The following BIRC6 variants were observed in gnomAD, a reference collection of about 807,000 sequenced individuals.
BIRC6 encodes dual E2 ubiquitin-conjugating enzyme/E3 ubiquitin-protein ligase BIRC6.
Under a neutral mutation model 503.3 loss-of-function variants are expected in BIRC6, and 98 were observed. The ratio of observed to expected loss-of-function variants is 0.19; its 90% CI spans 0.17 to 0.23. The LOEUF (loss-of-function observed/expected upper bound fraction) is 0.23. BIRC6 is among the 10% of genes least tolerant of loss of function. The probability of loss-of-function intolerance (pLI) is 1.00; values close to 1 mark genes in which losing one functional copy is unlikely to be tolerated. For missense variants in BIRC6, 5,360 were observed against 5,806.0 expected (o/e 0.92, Z 2.50); for synonymous variants, 2,240 against 2,078.7 (o/e 1.08, Z -2.11).
At chr2:32,598,623 CTTTCTT>C (rs564200048) in intron 69 of BIRC6, among the ~76,000 whole-genome samples, 1 of 152,110 alleles carries the variant, frequency 6.6e-6, no homozygotes, top group Non-Finnish European at 1.5e-5. Context: ...AAAAAGAAAA[CTTTCTT>C]TATATTTATG....
chr2:32,437,461 T>TA (rs1391787863), intron 15 of BIRC6, among the ~76,000 whole-genome samples: 1 of 152,230 alleles, frequency 6.6e-6, no homozygotes, highest in Non-Finnish European at 1.5e-5. Flanking sequence ...TGACCAACTA[T>TA]ATATCAGCTA....
intron 5 of BIRC6, among the ~76,000 whole-genome samples, chr2:32,394,096 A>G (rs537827507): frequency 1.7e-4 from 26 of 151,648 alleles, no homozygotes; most frequent in African/African-American, 6.0e-4. Flanking sequence ...TTTTCTAGCA[A>G]CTTGTCTTTC....
Position 32,411,921 on chromosome 2 carries a change from C to G in BIRC6, c.1478-2848C>G, listed in dbSNP as rs563973905. ...AGATTATACTTGATTTGGGAGTTGA[C>G]TGACATCTATTGTAAGACTTTCTTT... On this transcript the variant is annotated intron_variant, in intron 9 of 73. Coordinates refer to ENST00000421745, the MANE Select transcript of BIRC6 (RefSeq NM_016252.4). Among the ~76,000 whole-genome samples, 66 of 152,252 alleles carry G rather than the reference C, an allele frequency of 4.3e-4. No individual in the cohort carries two copies. In the South Asian group the frequency reaches 0.013, roughly 30 times the overall value.
rs150328043 is a variant in BIRC6 at position 32,422,600 on chromosome 2, G to C, written c.2872+6437G>C. 1.0e-3 allele frequency among the ~76,000 whole-genome samples: 154 copies of C among 152,056 alleles called. 1 individual carries two copies. The highest frequency in any genetic ancestry group is 3.6e-3 in the African/African-American group (151 of 41,494). On this transcript the variant is annotated intron_variant, in intron 10 of 73. Coordinates refer to ENST00000421745, the MANE Select transcript of BIRC6 (RefSeq NM_016252.4). ...ATAATTGTTACTCAATAATTTTTATGTCTTTCCTTTTATAAAGAAAACTGG... is the reference window on the plus strand; with the variant it reads ...ATAATTGTTACTCAATAATTTTTATCTCTTTCCTTTTATAAAGAAAACTGG...
Position 32,485,676 on chromosome 2 carries a change from A to T in BIRC6, c.7730A>T (p.Gln2577Leu). 6.2e-7 allele frequency: 1 copy of T among 1,613,694 alleles called. No homozygotes were observed. Among genetic ancestry groups the T allele is most frequent in the Non-Finnish European group, 8.5e-7 (1 of 1,179,670 alleles). ...LDARLEVGLEQQAELMLKMMS... is the reference protein window; with the variant it reads ...LDARLEVGLELQAELMLKMMS... ...GCTCGCCTAGAAGTTGGACTTGAAC[A>T]GCAAGCAGAACTGATGTTGAAAATG... is the stretch of plus-strand genomic sequence containing the variant. Residue 2577 changes from glutamine (Q) to leucine (L), a missense_variant, in exon 40 of 74, where the codon CAG becomes CTG. Gln to Leu is a moderately radical substitution (Grantham distance 113). This residue lies in a region of BIRC6 where 2,299 missense variants were observed against 2,267.2 expected (regional missense o/e 1.01). Transcript: ENST00000421745.
At chr2:32,422,728 G>C (rs1382881560) in intron 10 of BIRC6, among the ~76,000 whole-genome samples, 1 of 152,072 alleles carries the variant, frequency 6.6e-6, no homozygotes, top group Non-Finnish European at 1.5e-5. Flanking sequence ...TGGGGGACTT[G>C]ATTTTCCTCT....
intron 64 of BIRC6, 51 bp from the exon 65 acceptor site, chr2:32,549,262 A>T: frequency 1.5e-6 from 2 of 1,296,608 alleles, no homozygotes; most frequent in South Asian, 5.0e-5. Flanking sequence ...TACAATAAAA[A>T]CTTTTGAAGT....
At position 32,482,431 on chromosome 2, in the gene BIRC6, A is replaced by G; in HGVS notation, c.7545A>G (p.Pro2515=). 6.2e-7 allele frequency: 1 copy of G among 1,611,856 alleles called. No individual in the cohort carries two copies. The change falls in exon 39 of 74, where the codon CCA becomes CCG. Residue 2515 remains proline, a splice_region_variant and synonymous_variant. Transcript: ENST00000421745. ...AGTTTTTTTTCCATTCTTTTAAGCCAATAAGCAGTACATGGTATGATTATT... is the reference window on the plus strand; with the variant it reads ...AGTTTTTTTTCCATTCTTTTAAGCCGATAAGCAGTACATGGTATGATTATT... ...KDPLAAKVFK[P]ISSTWYDYWG...
chr2:32,498,096 C>G lies in BIRC6; in HGVS notation c.8469-1451C>G, dbSNP rs2052699342. On this transcript the variant is annotated intron_variant, in intron 45 of 73. Coordinates refer to ENST00000421745, the MANE Select transcript of BIRC6 (RefSeq NM_016252.4). Reference sequence around the variant, plus strand: ...ATTTTTGAGACAGTGTTTGTTTGCTCTGTCGCACAGGTTGGAGCGTAGTGG... The same window carrying G: ...ATTTTTGAGACAGTGTTTGTTTGCTGTGTCGCACAGGTTGGAGCGTAGTGG... Among the ~76,000 whole-genome samples, 4 of 152,096 alleles carry G rather than the reference C, an allele frequency of 2.6e-5. No individual in the cohort carries two copies. The South Asian group carries it at 8.3e-4, about 32-fold the overall frequency.
Position 32,401,344 on chromosome 2 carries a change from C to G in BIRC6, c.1216C>G (p.Arg406Gly). The change falls in exon 7 of 74, where the codon CGA (arginine) becomes GGA (glycine). Residue 406 changes from arginine to glycine, a missense_variant. Coordinates refer to ENST00000421745, the MANE Select transcript of BIRC6 (RefSeq NM_016252.4). ...CPHFLAAATK[R>G]GKICIWDVSK... ...TCATTTTCTAGCTGCTGCAACTAAA[C>G]GAGGAAAGATCTGCATATGGGATGT... The G allele has an allele frequency of 6.2e-7, 1 of 1,613,940 alleles. No homozygotes were observed. Among genetic ancestry groups the G allele is most frequent in the Non-Finnish European group, 8.5e-7 (1 of 1,179,894 alleles).
intron 8 of BIRC6, among the ~76,000 whole-genome samples, chr2:32,402,631 G>A (rs1022681572): frequency 3.3e-5 from 5 of 152,120 alleles, no homozygotes; most frequent in African/African-American, 9.7e-5. Context: ...AAGCCTTGTG[G>A]TTGTTCTATT....
At chr2:32,376,042 C>T (rs954900069) in intron 1 of BIRC6, among the ~76,000 whole-genome samples, 2 of 151,806 alleles carry the variant, frequency 1.3e-5, no homozygotes, top group African/African-American at 2.4e-5. Flanking sequence ...AAAAATTAGC[C>T]GGGTGAGGTG....
At chr2:32,457,844 A>AT (rs2047416239) in intron 23 of BIRC6, among the ~76,000 whole-genome samples, 1 of 152,160 alleles carries the variant, frequency 6.6e-6, no homozygotes, top group Non-Finnish European at 1.5e-5. Context: ...AACAAACAGC[A>AT]TAGCCATTAT....
chr2:32,615,693 T>C (rs2063181712), intron 73 of BIRC6, among the ~76,000 whole-genome samples: 1 of 152,118 alleles, frequency 6.6e-6, no homozygotes, highest in South Asian at 2.1e-4. Flanking sequence ...AGTGCAGTGC[T>C]GTGCGATCTC....
At chr2:32,370,671 A>G (rs1450861790) in intron 1 of BIRC6, among the ~76,000 whole-genome samples, 1 of 152,148 alleles carries the variant, frequency 6.6e-6, no homozygotes, top group Non-Finnish European at 1.5e-5. Flanking sequence ...AGAACCTTAC[A>G]TTAATTTTGT....
At chr2:32,547,770 T>G in intron 63 of BIRC6, 80 bp from the exon 64 acceptor site, 1 of 1,274,482 alleles carries the variant, frequency 7.8e-7, no homozygotes, top group Non-Finnish European at 1.1e-6. Context: ...AGCTTCATCA[T>G]TTTACTTTCC....
chr2:32,419,246 C>T (rs1369180821), intron 10 of BIRC6, among the ~76,000 whole-genome samples: 1 of 152,140 alleles, frequency 6.6e-6, no homozygotes, highest in Admixed American at 6.5e-5. Context: ...ATGGATGTGA[C>T]CCTGTCTTCT....
chr2:32,512,141 T>C (rs1037454527), intron 53 of BIRC6, among the ~76,000 whole-genome samples: 1 of 152,218 alleles, frequency 6.6e-6, no homozygotes, highest in South Asian at 2.1e-4. Context: ...AATGTCTTCC[T>C]TGTCTTCTGA....
chr2:32,429,407 T>C, intron 11 of BIRC6, 112 bp downstream of exon 11: 2 of 797,512 alleles, frequency 2.5e-6, no homozygotes, highest in Non-Finnish European at 3.6e-6. Flanking sequence ...TCTCAACCTG[T>C]ATGGTATGTT....
Sources: gnomAD v4.1 joint callset for allele counts (sites outside exome capture counted in the v4.1 genomes callset) on GRCh38, gnomAD v4.1.1 for gene constraint, gnomAD v4.1.1 regional missense constraint, MANE v1.5 for transcripts, NCBI Gene and HGNC (gene_info 2026-07-23, HGNC 2026-07-21) for gene names.